The following FERRY3 variants were observed in gnomAD, a reference collection of about 807,000 sequenced individuals.
FERRY3 encodes the protein FERRY endosomal RAB5 effector complex subunit 3, also known as protein C12orf4.
chr12:4,534,607 T>G, the FERRY3 span, among the ~76,000 whole-genome samples: 1 of 152,174 alleles, frequency 6.6e-6, no homozygotes, highest in African/African-American at 2.4e-5. Context: ...CTCACCATGT[T>G]GCCCAGGCTG....
the FERRY3 span, chr12:4,518,368 T>C: frequency 1.1e-6 from 1 of 922,922 alleles, no homozygotes; most frequent in South Asian, 1.8e-5. Context: ...CACAAAATAA[T>C]TAAAAATGGG....
chr12:4,503,108 G>A, the FERRY3 span, among the ~76,000 whole-genome samples: 11 of 152,178 alleles, frequency 7.2e-5, no homozygotes, highest in Non-Finnish European at 1.6e-4. Flanking sequence ...CAGGAGTGTA[G>A]CAGGATGACT....
chr12:4,518,778 G>A, the FERRY3 span: 4 of 1,550,692 alleles, frequency 2.6e-6, no homozygotes, highest in Non-Finnish European at 3.5e-6. Context: ...ACTTACCTAA[G>A]TGAATGGTAA....
At chr12:4,493,946 A>T in the FERRY3 span, among the ~76,000 whole-genome samples, 1 of 152,102 alleles carries the variant, frequency 6.6e-6, no homozygotes, top group Admixed American at 6.5e-5. Context: ...TACAAAAATT[A>T]GCTGGGCATG....
the FERRY3 span, among the ~76,000 whole-genome samples, chr12:4,520,099 G>A: frequency 7.2e-5 from 11 of 152,312 alleles, no homozygotes; most frequent in Non-Finnish European, 1.2e-4. Flanking sequence ...TGTCATACAA[G>A]GGGGTAAAAA....
chr12:4,536,312 A>AT, the FERRY3 span: 1 of 650,276 alleles, frequency 1.5e-6, no homozygotes, highest in Non-Finnish European at 2.3e-6. Context: ...CATTCAAGAG[A>AT]TTTTGTCTAT....
At chr12:4,528,933 ACACAC>A in the FERRY3 span, among the ~76,000 whole-genome samples, 1 of 147,230 alleles carries the variant, frequency 6.8e-6, no homozygotes, top group Admixed American at 6.7e-5. Context: ...ACACACACAC[ACACAC>A]AAACAAAAGT....
the FERRY3 span, chr12:4,517,099 G>T: frequency 3.1e-6 from 5 of 1,592,338 alleles, no homozygotes; most frequent in Non-Finnish European, 4.3e-6. Context: ...CTGGGTTCTA[G>T]CATAAAGTAC....
the FERRY3 span, among the ~76,000 whole-genome samples, chr12:4,503,218 G>C: frequency 1.3e-5 from 2 of 152,118 alleles, no homozygotes; most frequent in African/African-American, 4.8e-5. Context: ...TAATAAAATG[G>C]GGGCCATGGG....
chr12:4,515,901 T>C, the FERRY3 span, among the ~76,000 whole-genome samples: 1 of 152,168 alleles, frequency 6.6e-6, no homozygotes, highest in Non-Finnish European at 1.5e-5. Flanking sequence ...CATTGAATCG[T>C]CAAATTGTAT....
the FERRY3 span, among the ~76,000 whole-genome samples, chr12:4,524,465 T>C: frequency 1.3e-5 from 2 of 151,730 alleles, no homozygotes; most frequent in African/African-American, 4.8e-5. Context: ...GCATGTCTTA[T>C]GTGCTAGTGT....
At chr12:4,518,434 T>G in the FERRY3 span, among the ~76,000 whole-genome samples, 1 of 152,216 alleles carries the variant, frequency 6.6e-6, no homozygotes, top group African/African-American at 2.4e-5. Context: ...GCAAAAAACA[T>G]TATATAAATA....
chr12:4,533,801 T>A, the FERRY3 span, among the ~76,000 whole-genome samples: 1 of 152,118 alleles, frequency 6.6e-6, no homozygotes, highest in Non-Finnish European at 1.5e-5. Flanking sequence ...AGTGAACAAT[T>A]TTTTTTAGTA....
chr12:4,529,775 A>T, the FERRY3 span: 3 of 1,102,460 alleles, frequency 2.7e-6, no homozygotes, highest in African/African-American at 1.6e-5. Flanking sequence ...TTTCTATCTT[A>T]TCCTTTTTGT....
chr12:4,526,841 C>CA, the FERRY3 span, among the ~76,000 whole-genome samples: 281 of 109,740 alleles, frequency 2.6e-3, 1 homozygote, highest in Middle Eastern at 0.014. Flanking sequence ...GACTCCATCT[C>CA]AAAAAAAAAA....
chr12:4,537,973 T>C, the FERRY3 span, among the ~76,000 whole-genome samples: 1 of 152,122 alleles, frequency 6.6e-6, no homozygotes, highest in Non-Finnish European at 1.5e-5. Context: ...TTGTTTATTT[T>C]ATGAGATAAA....
the FERRY3 span, chr12:4,533,899 T>C: frequency 3.5e-6 from 1 of 286,946 alleles, no homozygotes; most frequent in Non-Finnish European, 6.4e-6. Context: ...ATATTTTTAA[T>C]TACTAAATCT....
chr12:4,536,435 T>G, the FERRY3 span, among the ~76,000 whole-genome samples: 1 of 151,516 alleles, frequency 6.6e-6, no homozygotes, highest in African/African-American at 2.4e-5. Flanking sequence ...TTAAACTTGA[T>G]TTAAGAAAAA....
chr12:4,512,267 G>C, the FERRY3 span, among the ~76,000 whole-genome samples: 4 of 147,706 alleles, frequency 2.7e-5, no homozygotes, highest in Non-Finnish European at 4.5e-5. Flanking sequence ...CAACCAAAAA[G>C]AGTCCAGGAC....
Sources: gnomAD v4.1 joint callset for allele counts (sites outside exome capture counted in the v4.1 genomes callset) on GRCh38, gnomAD v4.1.1 for gene constraint, MANE v1.5 for transcripts, NCBI Gene and HGNC (gene_info 2026-07-23, HGNC 2026-07-21) for gene names.